The following TSPAN18 variants were observed in gnomAD, a reference collection of about 807,000 sequenced individuals.
TSPAN18 encodes tetraspanin 18, also known as tetraspanin-18.
TSPAN18 carries 14 observed loss-of-function variants against 27.3 expected under a neutral mutation model. The ratio of observed to expected loss-of-function variants is 0.51; its 90% CI spans 0.34 to 0.80. The LOEUF is 0.80. TSPAN18 is among the 30% of genes least tolerant of loss of function. The pLI, the probability that TSPAN18 is intolerant of heterozygous loss-of-function variation, is 0.01. For synonymous variants in TSPAN18, 143 were observed against 136.5 expected (o/e 1.05, Z -0.33); for missense variants, 268 against 323.9 (o/e 0.83, Z 1.32).
At chr11:44,901,809 T>A (rs118032149) in intron 3 of TSPAN18, among the ~76,000 whole-genome samples, 3,613 of 152,298 alleles carry the variant, frequency 0.024, 127 homozygotes, top group East Asian at 0.13. Context: ...AGTCTGTGCA[T>A]ACAAGCTGTG....
chr11:44,792,611 T>G (rs1278263495), intron 2 of TSPAN18, among the ~76,000 whole-genome samples: 1 of 152,132 alleles, frequency 6.6e-6, no homozygotes, highest in Non-Finnish European at 1.5e-5. Context: ...AGCCGGGGCC[T>G]CTCCATCATG....
chr11:44,863,821 T>C (rs1015441024), intron 3 of TSPAN18, among the ~76,000 whole-genome samples: 3 of 152,128 alleles, frequency 2.0e-5, no homozygotes, highest in South Asian at 4.1e-4. Context: ...TGTGTGAAGA[T>C]GGAAGGAAAT....
At chr11:44,843,548 C>T (rs951113664) in intron 2 of TSPAN18, among the ~76,000 whole-genome samples, 4 of 152,140 alleles carry the variant, frequency 2.6e-5, no homozygotes, top group African/African-American at 9.7e-5. Flanking sequence ...TTGAGATCAA[C>T]CGGTCTGACC....
intron 2 of TSPAN18, among the ~76,000 whole-genome samples, chr11:44,817,935 A>G (rs1244249432): frequency 1.3e-5 from 2 of 152,224 alleles, no homozygotes; most frequent in Non-Finnish European, 2.9e-5. Flanking sequence ...AACAGTCCTC[A>G]GTGGGAACTG....
At chr11:44,799,694 G>A (rs1856433036) in intron 2 of TSPAN18, among the ~76,000 whole-genome samples, 1 of 152,200 alleles carries the variant, frequency 6.6e-6, no homozygotes, top group Admixed American at 6.5e-5. Flanking sequence ...TTCTACGAAA[G>A]AGGAAACTGA....
In TSPAN18 at chr11:44,840,954, C is replaced by T. The variant is rs191215898; in HGVS notation, c.-152-19374C>T. Among the ~76,000 whole-genome samples, 20 of 152,276 alleles carry T rather than the reference C, an allele frequency of 1.3e-4. No individual in the cohort carries two copies. In the East Asian group the frequency reaches 2.1e-3, roughly 16 times the overall value. On this transcript the variant is annotated intron_variant, in intron 2 of 9. Transcript: ENST00000520358. The stretch of plus-strand genomic sequence containing the variant: ...GTGAGAATTAAATGACACAAGGATG[C>T]AAAGAGCCTGGTATCATCACAGTAC...
chr11:44,865,250 G>A (rs1247533520), intron 3 of TSPAN18, among the ~76,000 whole-genome samples: 1 of 152,110 alleles, frequency 6.6e-6, no homozygotes, highest in East Asian at 1.9e-4. Flanking sequence ...GGTGACCTTG[G>A]GCGTGTTATT....
At chr11:44,916,676 G>C (rs542295254) in intron 5 of TSPAN18, among the ~76,000 whole-genome samples, 11 of 152,290 alleles carry the variant, frequency 7.2e-5, no homozygotes, top group African/African-American at 2.4e-4. Flanking sequence ...GGGCCCTGAG[G>C]TGTCCTGACT....
At chr11:44,790,208 T>G (rs1360476104) in intron 2 of TSPAN18, among the ~76,000 whole-genome samples, 1 of 151,380 alleles carries the variant, frequency 6.6e-6, no homozygotes, top group Non-Finnish European at 1.5e-5. Flanking sequence ...TGTGTCTGTG[T>G]GTGCATGTTT....
intron 4 of TSPAN18, among the ~76,000 whole-genome samples, chr11:44,908,758 G>GAAAGAAAGAAAGAA (rs1554938001): frequency 1.6e-5 from 1 of 61,900 alleles, no homozygotes; most frequent in East Asian, 3.4e-4. Flanking sequence ...GAGAGAGAGA[G>GAAAGAAAGAAAGAA]AGAGAGAAAG....
intron 1 of TSPAN18, among the ~76,000 whole-genome samples, chr11:44,744,528 C>CACAAGT (rs1855025777): frequency 6.6e-6 from 1 of 152,166 alleles, no homozygotes; most frequent in Non-Finnish European, 1.5e-5. Flanking sequence ...TTGACCAGGA[C>CACAAGT]TCATCATGTG....
intron 2 of TSPAN18, among the ~76,000 whole-genome samples, chr11:44,775,656 G>T (rs1855789974): frequency 6.6e-6 from 1 of 152,104 alleles, no homozygotes; most frequent in Non-Finnish European, 1.5e-5. Context: ...TTTCTCCAGC[G>T]TCCGCCAGCA....
chr11:44,868,423 G>C (rs190467665), intron 3 of TSPAN18, among the ~76,000 whole-genome samples: 1 of 152,296 alleles, frequency 6.6e-6, no homozygotes, highest in Admixed American at 6.5e-5. Flanking sequence ...TCCTGTCGGG[G>C]CCCGAGGTGG....
rs3051413 is a variant in TSPAN18 at position 44,908,763 on chromosome 11, A to AAAG, written c.64-942_64-941insAAG. Among the ~76,000 whole-genome samples the AAAG allele has an allele frequency of 9.2e-3, 544 of 59,358 alleles. 83 individuals carry two copies. The highest frequency in any genetic ancestry group is 0.037 in the African/African-American group (527 of 14,278). The allele number at this position is 59,358 out of a possible 152,430, so 38.9% of individuals were successfully genotyped here. A position where few individuals can be genotyped will look rare whatever the true frequency, so the allele number is the denominator to read the frequency against. ...GAAAGAAAGAGAGAGAGAGAGAGAG[A>AAAG]GAAAGGAGAAAGAAAGAAAGAAAGA... On this transcript the variant is annotated intron_variant, in intron 4 of 9. Transcript: ENST00000520358.
chr11:44,808,740 C>T (rs2135091374), intron 2 of TSPAN18, among the ~76,000 whole-genome samples: 1 of 152,268 alleles, frequency 6.6e-6, no homozygotes, highest in East Asian at 1.9e-4. Flanking sequence ...TCTCACTTCC[C>T]AACGAATCTG....
intron 1 of TSPAN18, among the ~76,000 whole-genome samples, chr11:44,731,945 T>C (rs1442025820): frequency 1.3e-5 from 2 of 152,218 alleles, no homozygotes; most frequent in Non-Finnish European, 2.9e-5. Context: ...TTTAAGCTGA[T>C]CAGCCTCTCC....
chr11:44,844,463 G>A (rs1318739571), intron 2 of TSPAN18, among the ~76,000 whole-genome samples: 1 of 152,162 alleles, frequency 6.6e-6, no homozygotes, highest in Non-Finnish European at 1.5e-5. Context: ...CTAGCAGTGT[G>A]GAACAGTTCT....
At chr11:44,857,916 C>T (rs748299148) in intron 2 of TSPAN18, among the ~76,000 whole-genome samples, 12 of 152,188 alleles carry the variant, frequency 7.9e-5, no homozygotes, top group Admixed American at 1.3e-4. Flanking sequence ...GGGTGACACA[C>T]GCCCTCCTGA....
chr11:44,877,574 C>T (rs1858371622), intron 3 of TSPAN18, among the ~76,000 whole-genome samples: 1 of 152,152 alleles, frequency 6.6e-6, no homozygotes, highest in African/African-American at 2.4e-5. Context: ...TAGATCATCT[C>T]CCCGGGTGTC....
Sources: gnomAD v4.1 joint callset for allele counts (sites outside exome capture counted in the v4.1 genomes callset) on GRCh38, gnomAD v4.1.1 for gene constraint, MANE v1.5 for transcripts, NCBI Gene and HGNC (gene_info 2026-07-23, HGNC 2026-07-21) for gene names.